DSP: variants seen among roughly 807,000 people sequenced by gnomAD.
DSP encodes the protein 250/210 kDa paraneoplastic pemphigus antigen.
Under a neutral mutation model 290.6 loss-of-function variants are expected in DSP, and 114 were observed. That is an observed-to-expected ratio of 0.39 (90% CI 0.34 to 0.46). The LOEUF is 0.46. DSP is among the 20% of genes least tolerant of loss of function. DSP has a pLI of 0.99. For missense variants in DSP, 3,230 were observed against 3,495.8 expected (o/e 0.92, Z 1.92); for synonymous variants, 1,311 against 1,316.4 (o/e 1.00, Z 0.09).
intron 21 of DSP, 51 bp from the exon 22 acceptor site, chr6:7,578,413 C>CTT: frequency 2.8e-6 from 4 of 1,415,150 alleles, no homozygotes; most frequent in Non-Finnish European, 3.9e-6. Context: ...TTACATAGGA[C>CTT]TTTTTTTTTA....
intron 4 of DSP, 174 bp from the exon 5 acceptor site, chr6:7,562,478 T>C (rs940015097): frequency 1.8e-6 from 2 of 1,089,368 alleles, no homozygotes; most frequent in African/African-American, 1.6e-5. Flanking sequence ...GAGGGAAGTA[T>C]TTGGCAACCC....
At chr6:7,543,245 G>T (rs1758069644) in intron 1 of DSP, among the ~76,000 whole-genome samples, 2 of 152,158 alleles carry the variant, frequency 1.3e-5, no homozygotes, top group South Asian at 4.1e-4. Context: ...AGGCGTTGTG[G>T]CCCTAGGCCT....
At chr6:7,569,938 A>T (rs1758990926) in intron 12 of DSP, among the ~76,000 whole-genome samples, 3 of 152,358 alleles carry the variant, frequency 2.0e-5, no homozygotes, top group African/African-American at 7.2e-5. Flanking sequence ...TTAGAAAATC[A>T]GTTGTTATAC....
rs1758927765 is a variant in DSP at position 7,568,430 on chromosome 6, A to G, written c.1267-7A>G. ...ATGTTTAAGTATGATTTTATTCACC[A>G]TTGCAGAAAGAACGAGAGAAAATCC... On this transcript the variant is annotated splice_polypyrimidine_tract_variant and splice_region_variant and intron_variant, in intron 10 of 23. Transcript: ENST00000379802. The G allele has an allele frequency of 6.2e-7, 1 of 1,614,042 alleles. No individual in the cohort carries two copies.
At position 7,541,941 on chromosome 6, in the gene DSP, C is replaced by A. The variant is rs1303669220; in HGVS notation, c.26C>A (p.Pro9Gln). The change falls in exon 1 of 24, where the codon CCG becomes CAG. Residue 9 changes from proline to glutamine, a missense_variant. Transcript: ENST00000379802. ...ATGAGCTGCAACGGAGGCTCCCACCCGCGGATCAACACTCTGGGCCGCATG... is the reference window on the plus strand; with the variant it reads ...ATGAGCTGCAACGGAGGCTCCCACCAGCGGATCAACACTCTGGGCCGCATG... MSCNGGSH[P>Q]RINTLGRMIR... 1.2e-6 allele frequency: 2 copies of A among 1,609,266 alleles called. No homozygotes were observed. Among genetic ancestry groups the A allele is most frequent in the African/African-American group, 2.7e-5 (2 of 74,722 alleles).
intron 2 of DSP, among the ~76,000 whole-genome samples, chr6:7,556,801 C>G (rs987404607): frequency 3.3e-5 from 5 of 152,192 alleles, no homozygotes; most frequent in Non-Finnish European, 5.9e-5. Flanking sequence ...GGCTCCAGTT[C>G]TAGTTGTTTC....
Position 7,585,520 on chromosome 6 carries a change from A to G in DSP, c.8258A>G (p.Lys2753Arg). The change falls in exon 24 of 24, where the codon AAG (lysine) becomes AGG (arginine). Residue 2753 changes from lysine (K) to arginine (R), a missense_variant. By Grantham distance (26) the Lys-to-Arg change is conservative. This residue lies in a region of DSP where 582 missense variants were observed against 555.4 expected (regional missense o/e 1.05). Transcript: ENST00000379802. ...GRISTEEAIR[K>R]GFIDGRAAQR... is the part of the protein sequence containing the mutation. Reference sequence around the variant, plus strand: ...ATAAGCACCGAAGAAGCCATCCGGAAGGGGTTCATAGATGGCCGCGCCGCA... The same window carrying G: ...ATAAGCACCGAAGAAGCCATCCGGAGGGGGTTCATAGATGGCCGCGCCGCA... 1 of 1,614,186 alleles carries G rather than the reference A, an allele frequency of 6.2e-7. No individual in the cohort carries two copies. The highest frequency in any genetic ancestry group is 8.5e-7 in the Non-Finnish European group (1 of 1,180,040).
In DSP at chr6:7,584,568, G is replaced by T; in HGVS notation, c.7306G>T (p.Asp2436Tyr). ...YLQLKERCIK[D>Y]EETGLCLLPL... ...GCAACTAAAAGAAAGATGCATTAAGGATGAGGAAACAGGGCTCTGTCTTCT... is the reference window on the plus strand; with the variant it reads ...GCAACTAAAAGAAAGATGCATTAAGTATGAGGAAACAGGGCTCTGTCTTCT... Residue 2436 changes from aspartate to tyrosine, a missense_variant, in exon 24 of 24, where the codon GAT becomes TAT. By Grantham distance (160) the Asp-to-Tyr change is radical (BLOSUM62 -3). This residue lies in a region of DSP where 582 missense variants were observed against 555.4 expected (regional missense o/e 1.05). Coordinates refer to ENST00000379802, the MANE Select transcript of DSP (RefSeq NM_004415.4). The surrounding 1 kb of genome is among the most constrained non-coding windows in gnomAD (Gnocchi z 6.4). 6.2e-7 allele frequency: 1 copy of T among 1,614,028 alleles called. No individual in the cohort carries two copies. Among genetic ancestry groups the T allele is most frequent in the Non-Finnish European group, 8.5e-7 (1 of 1,179,954 alleles).
At chr6:7,556,432 A>G (rs2113654998) in intron 2 of DSP, among the ~76,000 whole-genome samples, 1 of 152,324 alleles carries the variant, frequency 6.6e-6, no homozygotes, top group Middle Eastern at 3.4e-3. Flanking sequence ...AAACACTAGC[A>G]TTCACCTTTG....
At position 7,586,277 on chromosome 6, in the gene DSP, A is replaced by G; in HGVS notation, c.*399A>G. Reference sequence around the variant, plus strand: ...TTTAGTCATTCTGCTTCTCATCTAAATATTTCCATATTCTGTATTAGGAGA... The same window carrying G: ...TTTAGTCATTCTGCTTCTCATCTAAGTATTTCCATATTCTGTATTAGGAGA... On this transcript the variant is annotated 3_prime_UTR_variant, in exon 24 of 24. Coordinates refer to ENST00000379802, the MANE Select transcript of DSP (RefSeq NM_004415.4). The G allele has an allele frequency of 5.2e-6, 1 of 194,132 alleles. No individual in the cohort carries two copies. Among genetic ancestry groups the G allele is most frequent in the South Asian group, 8.5e-5 (1 of 11,782 alleles). 12.0% of individuals were successfully genotyped at this position (194,132 alleles called of 1,614,324 possible).
rs755250746 is a variant in DSP at position 7,583,000 on chromosome 6, G to C, written c.5738G>C (p.Cys1913Ser). The change falls in exon 24 of 24, where the codon TGC becomes TCC. Residue 1913 changes from cysteine (C) to serine (S), a missense_variant. Physicochemically the swap from Cys to Ser is moderately radical, Grantham distance 112 (BLOSUM62 -1). Coordinates refer to ENST00000379802, the MANE Select transcript of DSP (RefSeq NM_004415.4). The surrounding 1 kb of genome is among the most constrained non-coding windows in gnomAD (Gnocchi z 4.2). Reference protein sequence around the residue: ...QAEIKRIEERCRRKLEDSTRE... With the variant: ...QAEIKRIEERSRRKLEDSTRE... ...GAGATCAAGAGAATTGAAGAGAGGT[G>C]CAGGCGTAAGCTGGAGGATTCTACC... 41 of 1,614,088 alleles carry C rather than the reference G, an allele frequency of 2.5e-5. No homozygotes were observed. The highest frequency in any genetic ancestry group is 3.3e-5 in the Non-Finnish European group (39 of 1,180,014).
intron 1 of DSP, among the ~76,000 whole-genome samples, 192 bp downstream of exon 1, chr6:7,542,277 G>T (rs930117837): frequency 7.0e-6 from 1 of 142,868 alleles, no homozygotes; most frequent in African/African-American, 2.6e-5. Flanking sequence ...GTTGGCCCCT[G>T]TCCTGCGAAC....
rs1215591946 is a variant in DSP at position 7,580,320 on chromosome 6, T to A, written c.4130T>A (p.Ile1377Asn). Residue 1377 changes from isoleucine (I) to asparagine (N), a missense_variant, in exon 23 of 24, where the codon ATC becomes AAC. Around this residue, in one of 5 missense-constraint regions of DSP, gnomAD observed 1,714 missense variants for 1,844.5 expected, o/e 0.93. Transcript: ENST00000379802. The surrounding 1 kb of genome is among the most constrained non-coding windows in gnomAD (Gnocchi z 4.2). ...ETEINITKTT[I>N]HQLTMQKEED... ...GAGATCAACATCACCAAGACCACCA[T>A]CCACCAGCTCACCATGCAGAAGGAA... 2 of 1,613,810 alleles carry A rather than the reference T, an allele frequency of 1.2e-6. No individual in the cohort carries two copies. The highest frequency in any genetic ancestry group is 1.7e-6 in the Non-Finnish European group (2 of 1,179,964).
chr6:7,583,531 A>G lies in DSP; in HGVS notation c.6269A>G (p.Glu2090Gly), dbSNP rs755069593. 19 of 1,614,222 alleles carry G rather than the reference A, an allele frequency of 1.2e-5. No individual in the cohort carries two copies. The highest frequency in any genetic ancestry group is 1.6e-4 in the Middle Eastern group (1 of 6,062). Residue 2090 changes from glutamate (E) to glycine (G), a missense_variant, in exon 24 of 24, where the codon GAA (glutamate) becomes GGA (glycine). Physicochemically the swap from Glu to Gly is moderately conservative, Grantham distance 98 (BLOSUM62 -2). Around this residue, in one of 5 missense-constraint regions of DSP, gnomAD observed 1,714 missense variants for 1,844.5 expected, o/e 0.93. Transcript: ENST00000379802. The surrounding 1 kb of genome is among the most constrained non-coding windows in gnomAD (Gnocchi z 4.0). ...GACCGTCAGCAGATATATGCAGCAG[A>G]AAAAGCTATCACTGGTTTTGATGAT... The part of the protein sequence containing the change: ...FDDRQQIYAA[E>G]KAITGFDDPF...
chr6:7,575,346 A>T lies in DSP; in HGVS notation c.2488A>T (p.Thr830Ser). Reference protein sequence around the residue: ...LKKSLLATMKTELQKAQQIHS... With the variant: ...LKKSLLATMKSELQKAQQIHS... ...GAAGTCGTTGTTGGCCACTATGAAG[A>T]CAGAACTACAGAAAGCCCAGCAGAT... is the stretch of plus-strand genomic sequence containing the variant. Residue 830 changes from threonine (T) to serine (S), a missense_variant, in exon 18 of 24, where the codon ACA becomes TCA. Around this residue, in one of 5 missense-constraint regions of DSP, gnomAD observed 1,714 missense variants for 1,844.5 expected, o/e 0.93. Coordinates refer to ENST00000379802, the MANE Select transcript of DSP (RefSeq NM_004415.4). 5 of 1,614,104 alleles carry T rather than the reference A, an allele frequency of 3.1e-6. No homozygotes were observed. The highest frequency in any genetic ancestry group is 1.3e-5 in the African/African-American group (1 of 75,008).
rs377652477 is a variant in DSP at position 7,555,806 on chromosome 6, C to G, written c.259C>G (p.Leu87Val). 5.0e-6 allele frequency: 8 copies of G among 1,613,986 alleles called. No individual in the cohort carries two copies. In the African/African-American group the frequency reaches 1.1e-4, roughly 22 times the overall value. Reference sequence around the variant, plus strand: ...CTCCGACTGCTTGATGCGAGCAGAGCTCATCGTGCAGCCTGTAAGCTTTCC... The same window carrying G: ...CTCCGACTGCTTGATGCGAGCAGAGGTCATCGTGCAGCCTGTAAGCTTTCC... ...NCSDCLMRAELIVQPELKYGD... is the reference protein window; with the variant it reads ...NCSDCLMRAEVIVQPELKYGD... The change falls in exon 2 of 24, where the codon CTC becomes GTC. Residue 87 changes from leucine (L) to valine (V), a missense_variant. Around this residue, in one of 5 missense-constraint regions of DSP, gnomAD observed 646 missense variants for 684.3 expected, o/e 0.94. Coordinates refer to ENST00000379802, the MANE Select transcript of DSP (RefSeq NM_004415.4).
Position 7,571,830 on chromosome 6 carries a change from T to G in DSP, c.1904-12T>G, listed in dbSNP as rs750869804. 28 of 1,610,912 alleles carry G rather than the reference T, an allele frequency of 1.7e-5. No homozygotes were observed. In the African/African-American group the frequency reaches 2.3e-4, roughly 13 times the overall value. ...ATTCTCTGATTTTTGTGGCCCTAACTTCTTTTTACAGTGACCACAACTGAA... is the reference window on the plus strand; with the variant it reads ...ATTCTCTGATTTTTGTGGCCCTAACGTCTTTTTACAGTGACCACAACTGAA... On this transcript the variant is annotated splice_polypyrimidine_tract_variant and intron_variant, in intron 14 of 23. Transcript: ENST00000379802.
intron 1 of DSP, among the ~76,000 whole-genome samples, chr6:7,553,321 G>C (rs1758397482): frequency 6.6e-6 from 1 of 152,118 alleles, no homozygotes; most frequent in Admixed American, 6.6e-5. Context: ...AATCATTTAG[G>C]AAACTCTGAC....
chr6:7,575,380 A>T lies in DSP; in HGVS notation c.2522A>T (p.Gln841Leu). 1 of 1,613,896 alleles carries T rather than the reference A, an allele frequency of 6.2e-7. No homozygotes were observed. Among genetic ancestry groups the T allele is most frequent in the Non-Finnish European group, 8.5e-7 (1 of 1,179,796 alleles). ...CAGAAAGCCCAGCAGATCCACTCTC[A>T]GACTTCACAGCAGTATCCACTTTAT... is the stretch of plus-strand genomic sequence containing the variant. The part of the protein sequence containing the change: ...ELQKAQQIHS[Q>L]TSQQYPLYDL... The change falls in exon 18 of 24, where the codon CAG (glutamine) becomes CTG (leucine). Residue 841 changes from glutamine to leucine, a missense_variant. Physicochemically the swap from Gln to Leu is moderately radical, Grantham distance 113. Coordinates refer to ENST00000379802, the MANE Select transcript of DSP (RefSeq NM_004415.4).
Sources: gnomAD v4.1 joint callset for allele counts (sites outside exome capture counted in the v4.1 genomes callset) on GRCh38, gnomAD v4.1.1 for gene constraint, gnomAD v4.1.1 regional missense constraint, Gnocchi (gnomAD v3.1) non-coding constraint, MANE v1.5 for transcripts, NCBI Gene and HGNC (gene_info 2026-07-23, HGNC 2026-07-21) for gene names.